TCF7L2: variants seen among roughly 807,000 people sequenced by gnomAD.
The protein encoded by TCF7L2 is transcription factor 7-like 2.
Under a neutral mutation model 77.9 loss-of-function variants are expected in TCF7L2, and 23 were observed. The ratio of observed to expected loss-of-function variants is 0.30; its 90% CI spans 0.21 to 0.42. TCF7L2 has a LOEUF of 0.42. Ranked by LOEUF, TCF7L2 falls within the 10% of genes least tolerant of loss-of-function variation. The probability of loss-of-function intolerance (pLI) is 1.00; values close to 1 mark genes in which losing one functional copy is unlikely to be tolerated. For missense variants in TCF7L2, 654 were observed against 793.1 expected, an observed-to-expected ratio of 0.82 and a Z score of 2.11; for synonymous variants, 413 against 340.2, an observed-to-expected ratio of 1.21 and a Z score of -2.36.
At chr10:113,056,092 A>G (rs1437191208) in intron 5 of TCF7L2, among the ~76,000 whole-genome samples, 2 of 152,240 alleles carry the variant, frequency 1.3e-5, no homozygotes, top group Non-Finnish European at 2.9e-5. Flanking sequence ...TACAGCCGAG[A>G]TCCTGGGCTC....
At chr10:113,049,277 C>T (rs907098815) in intron 5 of TCF7L2, among the ~76,000 whole-genome samples, 2 of 152,020 alleles carry the variant, frequency 1.3e-5, no homozygotes, top group Non-Finnish European at 2.9e-5. Flanking sequence ...CCAGAATCCA[C>T]GTCTTTAGTG....
intron 4 of TCF7L2, among the ~76,000 whole-genome samples, chr10:113,027,979 G>A (rs1380855106): frequency 6.6e-6 from 1 of 152,286 alleles, no homozygotes; most frequent in East Asian, 1.9e-4. Flanking sequence ...GTGGGCAAAG[G>A]GAACTATTGT....
chr10:113,078,957 C>T (rs1001312223), intron 5 of TCF7L2, among the ~76,000 whole-genome samples: 2 of 152,076 alleles, frequency 1.3e-5, no homozygotes, highest in Admixed American at 6.6e-5. Context: ...CTCAGCCTCC[C>T]GAGTAGCTGG....
chr10:113,076,257 C>T (rs546010050), intron 5 of TCF7L2, among the ~76,000 whole-genome samples: 1 of 152,206 alleles, frequency 6.6e-6, no homozygotes, highest in East Asian at 1.9e-4. Flanking sequence ...CCAGCATCAG[C>T]CTCCTGAGCA....
chr10:113,014,631 A>G (rs1263701958), intron 4 of TCF7L2, among the ~76,000 whole-genome samples: 1 of 152,070 alleles, frequency 6.6e-6, no homozygotes, highest in Non-Finnish European at 1.5e-5. Flanking sequence ...CTAAAAATAC[A>G]TAAATTAGCC....
intron 5 of TCF7L2, among the ~76,000 whole-genome samples, chr10:113,068,754 G>A (rs569824976): frequency 5.3e-5 from 8 of 151,978 alleles, no homozygotes; most frequent in African/African-American, 1.7e-4. Context: ...AGCTCGTCCC[G>A]TCCGCAGGCC....
chr10:113,142,869 T>C (rs1564954279), intron 6 of TCF7L2, among the ~76,000 whole-genome samples: 1 of 152,226 alleles, frequency 6.6e-6, no homozygotes, highest in Non-Finnish European at 1.5e-5. Flanking sequence ...AGTGTGCAAA[T>C]GGCTCGATGT....
chr10:113,047,028 A>C (rs1328237461), intron 5 of TCF7L2, among the ~76,000 whole-genome samples: 1 of 152,182 alleles, frequency 6.6e-6, no homozygotes, highest in Non-Finnish European at 1.5e-5. Context: ...ATAACAGTCC[A>C]TAATATGATT....
chr10:113,021,313 T>C (rs1165731489), intron 4 of TCF7L2, among the ~76,000 whole-genome samples: 1 of 152,184 alleles, frequency 6.6e-6, no homozygotes, highest in Non-Finnish European at 1.5e-5. Context: ...TGCTACTTAT[T>C]ATTGTTTTCT....
chr10:113,090,019 A>G (rs1257730638), intron 5 of TCF7L2, among the ~76,000 whole-genome samples: 3 of 152,182 alleles, frequency 2.0e-5, no homozygotes, highest in African/African-American at 7.2e-5. Context: ...TGCCTCGACA[A>G]TACCTACCTG....
chr10:112,951,107 T>C, intron 1 of TCF7L2, 100 bp from the exon 2 acceptor site: 2 of 1,298,748 alleles, frequency 1.5e-6, no homozygotes, highest in African/African-American at 1.6e-5. Flanking sequence ...CCTGTTTTTT[T>C]CTACCCCCCC....
At position 112,950,430 on chromosome 10, in the gene TCF7L2, ACTT is replaced by A. The variant is rs1452844652; in HGVS notation, c.-323_-321del. On this transcript the variant is annotated 5_prime_UTR_variant, in exon 1 of 14. Coordinates refer to ENST00000627217, the MANE Select transcript of TCF7L2 (RefSeq NM_001146274.2). ...CCCCCCCCTTTGCTCTTTATATCTG[ACTT>A]CTTGTTGTTGTTGGTGTTTTTTTTT... The A allele has an allele frequency of 4.2e-5, 8 of 190,832 alleles. No individual in the cohort carries two copies. The highest frequency in any genetic ancestry group is 7.9e-5 in the Non-Finnish European group (8 of 101,910). 11.8% of individuals were successfully genotyped at this position (190,832 alleles called of 1,614,324 possible).
At chr10:113,094,490 TA>T (rs1240464371) in intron 5 of TCF7L2, among the ~76,000 whole-genome samples, 1 of 152,228 alleles carries the variant, frequency 6.6e-6, no homozygotes, top group Non-Finnish European at 1.5e-5. Context: ...CTCTACATTA[TA>T]ACTTTGGATT....
chr10:113,132,794 G>A (rs995788118), intron 5 of TCF7L2: 29 of 152,172 alleles, frequency 1.9e-4, no homozygotes, highest in Admixed American at 1.6e-3. Context: ...CAGGAGGGTG[G>A]AGGTTGCAAA....
intron 5 of TCF7L2, among the ~76,000 whole-genome samples, chr10:113,115,223 T>A (rs2063572400): frequency 6.6e-6 from 1 of 152,226 alleles, no homozygotes; most frequent in Non-Finnish European, 1.5e-5. Context: ...ATTTAAATAG[T>A]TTTTAATTGG....
chr10:113,120,609 T>C (rs1327334641), intron 5 of TCF7L2, among the ~76,000 whole-genome samples: 1 of 151,702 alleles, frequency 6.6e-6, no homozygotes, highest in Non-Finnish European at 1.5e-5. Context: ...TCTAGAGGAG[T>C]GTTCAGAGGC....
At chr10:113,144,112 G>GTGTGTGTGTGTGTGTA in intron 7 of TCF7L2, 87 bp downstream of exon 7, 1 of 646,916 alleles carries the variant, frequency 1.5e-6, no homozygotes, top group South Asian at 3.0e-5. Context: ...GTGTGTGTGT[G>GTGTGTGTGTGTGTGTA]TGTGTGTGTG....
chr10:113,088,010 A>G (rs892331099), intron 5 of TCF7L2, among the ~76,000 whole-genome samples: 22 of 152,194 alleles, frequency 1.4e-4, no homozygotes, highest in African/African-American at 4.8e-4. Flanking sequence ...ACGTAAAAAC[A>G]TACAAGATGT....
At chr10:112,990,862 G>A (rs1345483186) in intron 4 of TCF7L2, among the ~76,000 whole-genome samples, 1 of 152,212 alleles carries the variant, frequency 6.6e-6, no homozygotes, top group East Asian at 1.9e-4. Flanking sequence ...CAGACCGTTT[G>A]ATGGAAGCCC....
Sources: gnomAD v4.1 joint callset for allele counts (sites outside exome capture counted in the v4.1 genomes callset) on GRCh38, gnomAD v4.1.1 for gene constraint, MANE v1.5 for transcripts, NCBI Gene and HGNC (gene_info 2026-07-23, HGNC 2026-07-21) for gene names.